The following DHRSX variants were observed in gnomAD, a reference collection of about 807,000 sequenced individuals.
The protein encoded by DHRSX is dehydrogenase/reductase X-linked.
A neutral mutation model predicts 34.0 loss-of-function variants in DHRSX; 31 were observed. That is an observed-to-expected ratio of 0.91 (90% CI 0.69 to 1.23). The LOEUF is 1.23. DHRSX is among the 50% of genes most tolerant of loss of function. The pLI, the probability that DHRSX is intolerant of heterozygous loss-of-function variation, is 0.00. For missense variants in DHRSX, 414 were observed against 428.1 expected (o/e 0.97, Z 0.29); for synonymous variants, 201 against 183.8 (o/e 1.09, Z -0.76).
chrX:2,387,904 CAAAAAA>C (rs557047764), intron 3 of DHRSX, among the ~76,000 whole-genome samples: 3 of 73,932 alleles, frequency 4.1e-5, no homozygotes, highest in African/African-American at 5.7e-5. Flanking sequence ...CCCTCCCCTG[CAAAAAA>C]AAAAAAAAAA....
intron 1 of DHRSX, among the ~76,000 whole-genome samples, chrX:2,451,764 C>G (rs771325817): frequency 1.3e-5 from 2 of 152,308 alleles, no homozygotes; most frequent in African/African-American, 4.8e-5. Context: ...CAGACAGACA[C>G]TGACACTCAG....
chrX:2,496,571 A>C lies in DHRSX; in HGVS notation c.109+4246T>G, dbSNP rs1349343878. ...GTGATGGGTGCACCAGAATCTCACA[A>C]ATCACCACTAAAAAACTTACTCATG... is the stretch of plus-strand genomic sequence containing the variant. On this transcript the variant is annotated intron_variant, in intron 1 of 6. Transcript: ENST00000334651. 5.9e-5 allele frequency among the ~76,000 whole-genome samples: 9 copies of C among 152,216 alleles called. No individual in the cohort carries two copies. In the East Asian group the frequency reaches 1.5e-3, roughly 26 times the overall value.
In DHRSX at chrX:2,393,545, C is replaced by CCCCGTCT. The variant is rs1569496720; in HGVS notation, c.286+15199_286+15200insAGACGGG. 2.8e-3 allele frequency among the ~76,000 whole-genome samples: 420 copies of CCCCGTCT among 150,676 alleles called. 33 individuals are homozygous for CCCCGTCT. Among genetic ancestry groups the CCCCGTCT allele is most frequent in the Non-Finnish European group, 4.7e-3 (318 of 67,620 alleles). ...CCGCACACACGACACACAGGGACCTCCCTGTCTCCGGCGCACACAGGACAC... is the reference window on the plus strand; with the variant it reads ...CCGCACACACGACACACAGGGACCTCCCCGTCTCCTGTCTCCGGCGCACACAGGACAC... On this transcript the variant is annotated intron_variant, in intron 3 of 6. Coordinates refer to ENST00000334651, the MANE Select transcript of DHRSX (RefSeq NM_145177.3).
At chrX:2,291,735 A>G (rs1200904774) in intron 3 of DHRSX, 132 bp from the exon 4 acceptor site, 1 of 694,968 alleles carries the variant, frequency 1.4e-6, no homozygotes, top group East Asian at 2.6e-5. Flanking sequence ...TCTTTTTGAG[A>G]TGGAGTCTCG....
At chrX:2,370,841 A>G (rs767722279) in intron 3 of DHRSX, among the ~76,000 whole-genome samples, 2 of 152,306 alleles carry the variant, frequency 1.3e-5, no homozygotes, top group African/African-American at 4.8e-5. Context: ...CAGAGGATCA[A>G]GCAACGCTTC....
chrX:2,322,555 CAA>C (rs752649879), intron 3 of DHRSX, among the ~76,000 whole-genome samples: 173 of 123,126 alleles, frequency 1.4e-3, no homozygotes, highest in Non-Finnish European at 1.2e-3. Flanking sequence ...AACTCCATCT[CAA>C]AAAAAAAAAA....
chrX:2,301,230 T>A (rs2042005106), intron 3 of DHRSX, among the ~76,000 whole-genome samples: 1 of 152,168 alleles, frequency 6.6e-6, no homozygotes, highest in Non-Finnish European at 1.5e-5. Flanking sequence ...CTGGCCAACA[T>A]GGCAAAACCC....
chrX:2,251,015 T>C (rs752777538), intron 5 of DHRSX, among the ~76,000 whole-genome samples: 80 of 152,224 alleles, frequency 5.3e-4, no homozygotes, highest in Middle Eastern at 3.4e-3. Flanking sequence ...TGCCTTGCCG[T>C]TGTGCAAAAG....
chrX:2,244,987 G>A (rs926520096), intron 5 of DHRSX, among the ~76,000 whole-genome samples: 62 of 152,240 alleles, frequency 4.1e-4, no homozygotes, highest in African/African-American at 1.3e-3. Flanking sequence ...TGGGATTACA[G>A]GCATGAGCCA....
chrX:2,346,788 A>G lies in DHRSX; in HGVS notation c.287-55185T>C, dbSNP rs35819409. On this transcript the variant is annotated intron_variant, in intron 3 of 6. Coordinates refer to ENST00000334651, the MANE Select transcript of DHRSX (RefSeq NM_145177.3). ...TACATTAGGTATTTCTCCTAATGCT[A>G]TCCCTCCCCCAGTCCCCTACTCCCC... is the stretch of plus-strand genomic sequence containing the variant. 2.9e-3 allele frequency among the ~76,000 whole-genome samples: 437 copies of G among 151,696 alleles called. 1 individual carries two copies. The highest frequency in any genetic ancestry group is 9.5e-3 in the African/African-American group (391 of 41,312).
At chrX:2,370,687 T>C (rs2043047165) in intron 3 of DHRSX, among the ~76,000 whole-genome samples, 1 of 151,864 alleles carries the variant, frequency 6.6e-6, no homozygotes, top group African/African-American at 2.4e-5. Context: ...TCACATTCTT[T>C]ATTTGCCCCT....
Position 2,386,234 on chromosome X carries a change from CAGAG to C in DHRSX, c.286+22507_286+22510del, listed in dbSNP as rs769954779. Among the ~76,000 whole-genome samples the C allele has an allele frequency of 4.8e-4, 73 of 151,362 alleles. 3 individuals are homozygous for C. In the East Asian group the frequency reaches 0.014, roughly 29 times the overall value. ...AGAGAGAGAGAAAGAAAGAGAGAGA[CAGAG>C]AGACGGAGTCTTGCTCTGTCACCAG... On this transcript the variant is annotated intron_variant, in intron 3 of 6. Coordinates refer to ENST00000334651, the MANE Select transcript of DHRSX (RefSeq NM_145177.3).
intron 2 of DHRSX, among the ~76,000 whole-genome samples, chrX:2,417,422 T>TAGTTG: frequency 1.3e-5 from 2 of 151,920 alleles, no homozygotes; most frequent in Non-Finnish European, 2.9e-5. Context: ...AGGACTTTAT[T>TAGTTG]GTGTTCTATT....
At chrX:2,312,985 G>A (rs1213499840) in intron 3 of DHRSX, among the ~76,000 whole-genome samples, 1 of 149,764 alleles carries the variant, frequency 6.7e-6, no homozygotes, top group African/African-American at 2.5e-5. Flanking sequence ...CCCCACCCTC[G>A]GGCCCAGCTT....
intron 3 of DHRSX, among the ~76,000 whole-genome samples, chrX:2,377,382 G>C (rs1032238968): frequency 1.3e-5 from 2 of 151,160 alleles, no homozygotes; most frequent in Admixed American, 1.3e-4. Flanking sequence ...AGATCATCAG[G>C]CATTAGATTC....
chrX:2,312,600 G>A (rs188137768), intron 3 of DHRSX, among the ~76,000 whole-genome samples: 3 of 152,042 alleles, frequency 2.0e-5, no homozygotes, highest in African/African-American at 4.8e-5. Flanking sequence ...GGGAGGGAGA[G>A]CATTAGGACA....
At chrX:2,265,969 G>A (rs777499462) in intron 5 of DHRSX, among the ~76,000 whole-genome samples, 45 of 133,462 alleles carry the variant, frequency 3.4e-4, no homozygotes, top group Admixed American at 2.5e-3. Context: ...TACAGCAGAT[G>A]CAGGGAGCAC....
chrX:2,315,843 G>A (rs1435091129), intron 3 of DHRSX, among the ~76,000 whole-genome samples: 1 of 152,090 alleles, frequency 6.6e-6, no homozygotes, highest in East Asian at 1.9e-4. Flanking sequence ...AGCTTCTTGT[G>A]GTTGTGAGAT....
chrX:2,248,116 A>T (rs1235612937), intron 5 of DHRSX, among the ~76,000 whole-genome samples: 1 of 151,984 alleles, frequency 6.6e-6, no homozygotes, highest in Non-Finnish European at 1.5e-5. Context: ...TGCCCAACAC[A>T]GGGAAACATC....
Sources: allele counts gnomAD v4.1 joint callset (sites outside exome capture counted in the v4.1 genomes callset), GRCh38; gene constraint gnomAD v4.1.1; transcripts MANE v1.5; gene names NCBI Gene and HGNC (gene_info 2026-07-23, HGNC 2026-07-21).